MLLT3: variants seen among roughly 807,000 people sequenced by gnomAD.
MLLT3 encodes the protein protein AF-9.
A neutral mutation model predicts 53.2 loss-of-function variants in MLLT3; 4 were observed. That is an observed-to-expected ratio of 0.08 (90% CI 0.04 to 0.17). The LOEUF (loss-of-function observed/expected upper bound fraction) is 0.17, where lower values mean the gene tolerates loss of function less well. Ranked by LOEUF, MLLT3 falls within the 10% of genes least tolerant of loss-of-function variation. The pLI is 1.00. For synonymous variants in MLLT3, 283 were observed against 230.6 expected (o/e 1.23, Z -2.06); for missense variants, 569 against 684.0 (o/e 0.83, Z 1.87).
chr9:20,598,190 C>A (rs1323566855), intron 2 of MLLT3, among the ~76,000 whole-genome samples: 1 of 152,002 alleles, frequency 6.6e-6, no homozygotes, highest in African/African-American at 2.4e-5. Context: ...CTGTAGAAAC[C>A]AAAAATGATA....
At chr9:20,553,962 G>GT (rs1818991899) in intron 2 of MLLT3, among the ~76,000 whole-genome samples, 3 of 152,182 alleles carry the variant, frequency 2.0e-5, no homozygotes, top group Admixed American at 2.0e-4. Context: ...TCTGAGTCAG[G>GT]TATTTCTCTT....
At chr9:20,365,645 C>T (rs1821430867) in intron 6 of MLLT3, 24 bp downstream of exon 6, 1 of 1,613,274 alleles carries the variant, frequency 6.2e-7, no homozygotes, top group African/African-American at 1.3e-5. Context: ...AAAGCATCTC[C>T]TAGTTTGCAT....
chr9:20,356,424 ATTG>A (rs765228179), intron 8 of MLLT3, among the ~76,000 whole-genome samples: 1 of 152,076 alleles, frequency 6.6e-6, no homozygotes, highest in African/African-American at 2.4e-5. Flanking sequence ...TTCCTCCTCC[ATTG>A]TTGTTGAAAG....
chr9:20,541,475 T>C (rs1414132261), intron 2 of MLLT3, among the ~76,000 whole-genome samples: 2 of 152,168 alleles, frequency 1.3e-5, no homozygotes, highest in African/African-American at 2.4e-5. Flanking sequence ...TCAGGAAACT[T>C]ACAATCATGG....
intron 2 of MLLT3, among the ~76,000 whole-genome samples, chr9:20,471,863 GT>G (rs1824402948): frequency 3.3e-5 from 5 of 150,624 alleles, no homozygotes; most frequent in Non-Finnish European, 1.5e-5. Context: ...GAAAACTCTA[GT>G]AGGATGTGGA....
chr9:20,558,881 C>T (rs1257607880), intron 2 of MLLT3, among the ~76,000 whole-genome samples: 1 of 152,206 alleles, frequency 6.6e-6, no homozygotes, highest in Non-Finnish European at 1.5e-5. Context: ...GGATTTGAAA[C>T]TTGCCAGCAT....
chr9:20,564,510 C>T (rs1587073763), intron 2 of MLLT3, among the ~76,000 whole-genome samples: 2 of 152,136 alleles, frequency 1.3e-5, no homozygotes, highest in East Asian at 1.9e-4. Flanking sequence ...TTGCGTTCTC[C>T]AGCCTCACCT....
intron 2 of MLLT3, among the ~76,000 whole-genome samples, chr9:20,472,471 T>C (rs560063534): frequency 6.6e-6 from 1 of 152,200 alleles, no homozygotes; most frequent in South Asian, 2.1e-4. Context: ...AGGCATTTTC[T>C]GTCCAAGCAT....
chr9:20,471,977 T>C (rs1824405355), intron 2 of MLLT3, among the ~76,000 whole-genome samples: 1 of 152,062 alleles, frequency 6.6e-6, no homozygotes, highest in Non-Finnish European at 1.5e-5. Context: ...AATAGCATAA[T>C]ACTGTTAAAC....
intron 10 of MLLT3, among the ~76,000 whole-genome samples, chr9:20,347,769 CTCTT>C (rs1479097128): frequency 6.6e-6 from 1 of 152,146 alleles, no homozygotes; most frequent in Non-Finnish European, 1.5e-5. Flanking sequence ...GTCTGTTATT[CTCTT>C]TCTATCACTT....
At chr9:20,619,504 G>A (rs1820932750) in intron 2 of MLLT3, among the ~76,000 whole-genome samples, 1 of 152,132 alleles carries the variant, frequency 6.6e-6, no homozygotes, top group African/African-American at 2.4e-5. Context: ...AAGCAGAATG[G>A]ATTTATTATG....
At chr9:20,553,018 T>C (rs1818963562) in intron 2 of MLLT3, among the ~76,000 whole-genome samples, 1 of 152,196 alleles carries the variant, frequency 6.6e-6, no homozygotes, top group African/African-American at 2.4e-5. Flanking sequence ...TTTCCCTACA[T>C]TGGACATCCA....
intron 5 of MLLT3, among the ~76,000 whole-genome samples, chr9:20,395,393 C>A (rs1409824503): frequency 1.3e-5 from 2 of 152,142 alleles, no homozygotes; most frequent in Admixed American, 6.5e-5. Context: ...GGAGGCTTTA[C>A]AAGACCACAG....
At chr9:20,538,095 GC>G (rs1461795520) in intron 2 of MLLT3, among the ~76,000 whole-genome samples, 6 of 152,088 alleles carry the variant, frequency 3.9e-5, no homozygotes, top group African/African-American at 1.4e-4. Flanking sequence ...AATTATTTGT[GC>G]CCCATGTGTT....
chr9:20,346,301 T>A lies in MLLT3; in HGVS notation c.*142A>T, dbSNP rs999636073. Reference sequence around the variant, plus strand: ...TAAAGAAAAATAAAGCTGAAGGTTGTTTGATTTTTATTTTTTCCCTTTTGG... The same window carrying A: ...TAAAGAAAAATAAAGCTGAAGGTTGATTGATTTTTATTTTTTCCCTTTTGG... On this transcript the variant is annotated 3_prime_UTR_variant, in exon 11 of 11. Coordinates refer to ENST00000380338, the MANE Select transcript of MLLT3 (RefSeq NM_004529.4). The A allele has an allele frequency of 7.1e-5, 64 of 901,974 alleles. No homozygotes were observed. In the African/African-American group the frequency reaches 9.9e-4, roughly 14 times the overall value. 55.9% of individuals were successfully genotyped at this position (901,974 alleles called of 1,614,324 possible).
intron 1 of MLLT3, chr9:20,622,014 C>G (rs114367539): frequency 4.0e-6 from 5 of 1,245,686 alleles, no homozygotes; most frequent in Non-Finnish European, 3.0e-6. Context: ...GGTGGAGGGG[C>G]GAGTGTGAGC....
At chr9:20,403,545 T>G (rs1028735390) in intron 5 of MLLT3, among the ~76,000 whole-genome samples, 1 of 152,198 alleles carries the variant, frequency 6.6e-6, no homozygotes, top group South Asian at 2.1e-4. Flanking sequence ...AAGTGACTTG[T>G]TACAAGTCTC....
At chr9:20,533,160 C>T in intron 2 of MLLT3, 1 of 273,326 alleles carries the variant, frequency 3.7e-6, no homozygotes, top group South Asian at 4.2e-5. Flanking sequence ...GCACCACCGT[C>T]ACCTTTACAC....
intron 4 of MLLT3, among the ~76,000 whole-genome samples, chr9:20,432,110 T>C (rs1412306022): frequency 6.6e-6 from 1 of 152,188 alleles, no homozygotes; most frequent in Non-Finnish European, 1.5e-5. Flanking sequence ...TCTTCTAGTC[T>C]AGGAAGAGAA....
Sources: gnomAD v4.1 joint callset for allele counts (sites outside exome capture counted in the v4.1 genomes callset) on GRCh38, gnomAD v4.1.1 for gene constraint, MANE v1.5 for transcripts, NCBI Gene and HGNC (gene_info 2026-07-23, HGNC 2026-07-21) for gene names.